The following EEF1G variants were observed in gnomAD, a reference collection of about 807,000 sequenced individuals.
EEF1G encodes elongation factor 1-gamma.
Under a neutral mutation model 58.3 loss-of-function variants are expected in EEF1G, and 14 were observed. That is an observed-to-expected ratio of 0.24 (90% CI 0.16 to 0.38). The LOEUF is 0.38. Among genes scored for constraint, EEF1G ranks in the 10% least tolerant of loss-of-function variants. EEF1G has a pLI of 1.00. For synonymous variants in EEF1G, 180 were observed against 206.8 expected, an observed-to-expected ratio of 0.87 and a Z score of 1.11; for missense variants, 322 against 550.1, an observed-to-expected ratio of 0.59 and a Z score of 4.15.
Position 62,572,709 on chromosome 11 carries a change from A to G in EEF1G, c.46T>C (p.Phe16Leu). Reference protein sequence around the residue: ...LYTYPENWRAFKALIAAQYSG... With the variant: ...LYTYPENWRALKALIAAQYSG... ...TACTGAGCAGCGATGAGAGCCTTGA[A>G]GGCCCTCCAGTTTTCAGGATACGTG... Residue 16 changes from phenylalanine to leucine, a missense_variant, in exon 2 of 10, where the codon TTC (phenylalanine) becomes CTC (leucine). This residue lies in a region of EEF1G where 62 missense variants were observed against 87.0 expected (regional missense o/e 0.71). Transcript: ENST00000329251. The G allele has an allele frequency of 6.2e-7, 1 of 1,613,600 alleles. No individual in the cohort carries two copies. Among genetic ancestry groups the G allele is most frequent in the Non-Finnish European group, 8.5e-7 (1 of 1,179,798 alleles).
At chr11:62,566,728 C>T (rs959526922) in intron 7 of EEF1G, 78 bp downstream of exon 7, 1 of 1,345,288 alleles carries the variant, frequency 7.4e-7, no homozygotes, top group South Asian at 1.3e-5. Context: ...CTGGCTCTAG[C>T]TGTGTGTGAG....
At chr11:62,573,683 G>A (rs1004941545) in intron 1 of EEF1G, 148 bp downstream of exon 1, 8 of 1,169,956 alleles carry the variant, frequency 6.8e-6, no homozygotes, top group South Asian at 5.2e-5. Flanking sequence ...CCAGGCCCTA[G>A]GAACCCTACT....
chr11:62,572,752 A>G lies in EEF1G; in HGVS notation c.13-10T>C, dbSNP rs1296181008. On this transcript the variant is annotated splice_polypyrimidine_tract_variant and intron_variant, in intron 1 of 9. Coordinates refer to ENST00000329251, the MANE Select transcript of EEF1G (RefSeq NM_001404.5). ...GATACGTGTACAGGGTCTATGGGAG[A>G]AAGAGAGGGACAAAATTAATGAGTA... 6.2e-7 allele frequency: 1 copy of G among 1,601,150 alleles called. No individual in the cohort carries two copies.
At chr11:62,573,609 C>T (rs1442967023) in intron 1 of EEF1G, 4 of 658,392 alleles carry the variant, frequency 6.1e-6, no homozygotes, top group Non-Finnish European at 1.0e-5. Context: ...CCCGGCATCT[C>T]TTTTCTCCTC....
chr11:62,563,386 T>G (rs1484368039), intron 7 of EEF1G, among the ~76,000 whole-genome samples: 1 of 152,130 alleles, frequency 6.6e-6, no homozygotes, highest in Non-Finnish European at 1.5e-5. Flanking sequence ...TCCACCCGCC[T>G]CAGCCTCCCA....
At chr11:62,568,200 C>A (rs925137948) in intron 5 of EEF1G, among the ~76,000 whole-genome samples, 1 of 110,462 alleles carries the variant, frequency 9.1e-6, no homozygotes, top group African/African-American at 3.5e-5. Context: ...TGCATTCCAG[C>A]CTGGGTGACA....
chr11:62,560,313 A>T lies in EEF1G; in HGVS notation c.999T>A (p.Thr333=). 6.2e-7 allele frequency: 1 copy of T among 1,612,842 alleles called. No individual in the cohort carries two copies. The highest frequency in any genetic ancestry group is 8.5e-7 in the Non-Finnish European group (1 of 1,179,354). Residue 333 remains threonine (T), a synonymous_variant, in exon 8 of 10, where the codon ACT becomes ACA. Coordinates refer to ENST00000329251, the MANE Select transcript of EEF1G (RefSeq NM_001404.5). ...TGAGATTGCAGCTCATGAAGGTCTG[A>T]GTGAGTTCTTCAGGGAAGCGATACT... ...YSEYRFPEEL[T]QTFMSCNLIT...
At chr11:62,561,967 C>T (rs1941501859) in intron 7 of EEF1G, among the ~76,000 whole-genome samples, 1 of 152,158 alleles carries the variant, frequency 6.6e-6, no homozygotes, top group African/African-American at 2.4e-5. Flanking sequence ...TCAAAGGAGC[C>T]CAATTAACTG....
intron 7 of EEF1G, among the ~76,000 whole-genome samples, chr11:62,566,132 G>C (rs535454271): frequency 2.0e-5 from 3 of 152,136 alleles, no homozygotes; most frequent in Non-Finnish European, 4.4e-5. Flanking sequence ...CCATCCCAGA[G>C]AACTGGGCAA....
At chr11:62,567,104 C>A in intron 6 of EEF1G, 94 bp from the exon 7 acceptor site, 1 of 1,371,586 alleles carries the variant, frequency 7.3e-7, no homozygotes, top group Non-Finnish European at 1.0e-6. Flanking sequence ...ACAGAGGAAA[C>A]TGACGAATGG....
Position 62,571,084 on chromosome 11 carries a change from C to A in EEF1G, c.403G>T (p.Val135Leu). The A allele has an allele frequency of 6.2e-7, 1 of 1,614,000 alleles. No homozygotes were observed. Among genetic ancestry groups the A allele is most frequent in the Non-Finnish European group, 8.5e-7 (1 of 1,179,896 alleles). ...TCCAGCAGCCCCAGAATTCGCCTCA[C>A]TTCCTCCTTTGCATTCTCAGTGGCC... Reference protein sequence around the residue: ...KQATENAKEEVRRILGLLDAY... With the variant: ...KQATENAKEELRRILGLLDAY... The change falls in exon 5 of 10, where the codon GTG becomes TTG. Residue 135 changes from valine (V) to leucine (L), a missense_variant. Transcript: ENST00000329251.
chr11:62,560,602 G>T, intron 7 of EEF1G, 148 bp from the exon 8 acceptor site: 1 of 905,076 alleles, frequency 1.1e-6, no homozygotes, highest in Non-Finnish European at 1.7e-6. Context: ...AGGGAAGTAA[G>T]CTCAAGGGGT....
chr11:62,560,691 ACC>A (rs1428632386), intron 7 of EEF1G, among the ~76,000 whole-genome samples: 1 of 152,130 alleles, frequency 6.6e-6, no homozygotes, highest in African/African-American at 2.4e-5. Flanking sequence ...GGACTCTGAG[ACC>A]TGCCCCAGGA....
chr11:62,566,811 G>C lies in EEF1G; in HGVS notation c.852C>G (p.Pro284=). The C allele has an allele frequency of 6.2e-7, 1 of 1,613,506 alleles. No homozygotes were observed. Among genetic ancestry groups the C allele is most frequent in the Non-Finnish European group, 8.5e-7 (1 of 1,179,648 alleles). The change falls in exon 7 of 10, where the codon CCC becomes CCG. Residue 284 remains proline (P), a synonymous_variant. Transcript: ENST00000329251. The part of the protein sequence containing the change: ...PKAKDPFAHL[P]KSTFVLDEFK... ...CCACCCTCCAATATCCTTACCTCTT[G>C]GGCAGGTGAGCGAAGGGGTCCTTGG...
In EEF1G at chr11:62,560,421, G is replaced by A. The variant is rs1232959452; in HGVS notation, c.891C>T (p.Tyr297=). 1.9e-6 allele frequency: 3 copies of A among 1,610,288 alleles called. No homozygotes were observed. The highest frequency in any genetic ancestry group is 1.1e-5 in the South Asian group (1 of 90,268). Residue 297 remains tyrosine (Y), a synonymous_variant, in exon 8 of 10, where the codon TAC becomes TAT. Transcript: ENST00000329251. ...TFVLDEFKRK[Y]SNEDTLSVAL... ...CCACAGAGAGTGTGTCCTCATTGGA[G>A]TACTTGCGCTTAAATTCATCCAACA... is the stretch of plus-strand genomic sequence containing the variant.
chr11:62,567,682 T>A (rs1265021444), intron 5 of EEF1G, among the ~76,000 whole-genome samples, 154 bp from the exon 6 acceptor site: 1 of 151,340 alleles, frequency 6.6e-6, no homozygotes, highest in African/African-American at 2.4e-5. Context: ...TTCCCTGGAT[T>A]ACTTCCCATT....
At chr11:62,561,360 T>C (rs913288947) in intron 7 of EEF1G, among the ~76,000 whole-genome samples, 13 of 147,092 alleles carry the variant, frequency 8.8e-5, no homozygotes, top group East Asian at 2.0e-4. Context: ...GCCTGGGCGA[T>C]AGAGGAAGAG....
In EEF1G at chr11:62,561,078, G is replaced by A. The variant is rs538102308; in HGVS notation, c.858-624C>T. ...ATATAGCAGAGGTCACTCCCTCCAC[G>A]ATTGGTGCTCTGTTTTCTTTCTTTC... On this transcript the variant is annotated intron_variant, in intron 7 of 9. Coordinates refer to ENST00000329251, the MANE Select transcript of EEF1G (RefSeq NM_001404.5). Among the ~76,000 whole-genome samples, 13 of 152,262 alleles carry A rather than the reference G, an allele frequency of 8.5e-5. No homozygotes were observed. The South Asian group carries it at 2.5e-3, about 29-fold the overall frequency.
In EEF1G at chr11:62,560,323, T is replaced by A; in HGVS notation, c.989A>T (p.Glu330Val). Residue 330 changes from glutamate to valine, a missense_variant, in exon 8 of 10, where the codon GAA becomes GTA. By Grantham distance (121) the Glu-to-Val change is moderately radical. Around this residue, in one of 3 missense-constraint regions of EEF1G, gnomAD observed 208 missense variants for 323.7 expected, o/e 0.64. Transcript: ENST00000329251. The part of the protein sequence containing the change: ...SLWYSEYRFP[E>V]ELTQTFMSCN... ...GCTCATGAAGGTCTGAGTGAGTTCT[T>A]CAGGGAAGCGATACTCTGAGTACCA... 1 of 1,612,138 alleles carries A rather than the reference T, an allele frequency of 6.2e-7. No homozygotes were observed. Among genetic ancestry groups the A allele is most frequent in the Non-Finnish European group, 8.5e-7 (1 of 1,178,988 alleles).
Sources: allele counts gnomAD v4.1 joint callset (sites outside exome capture counted in the v4.1 genomes callset), GRCh38; gene constraint gnomAD v4.1.1; regional missense constraint gnomAD v4.1.1; transcripts MANE v1.5; gene names NCBI Gene and HGNC (gene_info 2026-07-23, HGNC 2026-07-21).